ZCCHC2: variants seen among roughly 807,000 people sequenced by gnomAD.
The protein encoded by ZCCHC2 is zinc finger CCHC-type containing 2, also known as zinc finger CCHC domain-containing protein 2.
Under a neutral mutation model 103.6 loss-of-function variants are expected in ZCCHC2, and 39 were observed. The ratio of observed to expected loss-of-function variants is 0.38; its 90% CI spans 0.29 to 0.49. ZCCHC2 has a LOEUF of 0.49. Among genes scored for constraint, ZCCHC2 ranks in the 20% least tolerant of loss-of-function variants. The pLI is 0.96. For synonymous variants in ZCCHC2, 687 were observed against 608.9 expected (o/e 1.13, Z -1.89); for missense variants, 1,483 against 1,491.0 (o/e 0.99, Z 0.09).
At chr18:62,549,277 A>T (rs1915562033) in intron 4 of ZCCHC2, among the ~76,000 whole-genome samples, 1 of 152,170 alleles carries the variant, frequency 6.6e-6, no homozygotes, top group African/African-American at 2.4e-5. Flanking sequence ...TGATTCCCAC[A>T]GCGGGTGTGT....
Position 62,523,366 on chromosome 18 carries a change from C to A in ZCCHC2, c.-59C>A. 9.9e-7 allele frequency: 1 copy of A among 1,010,034 alleles called. No individual in the cohort carries two copies. The highest frequency in any genetic ancestry group is 1.8e-5 in the African/African-American group (1 of 56,944). The allele number at this position is 1,010,034 out of a possible 1,614,324, so 62.6% of individuals were successfully genotyped here. A position where few individuals can be genotyped will look rare whatever the true frequency, so the allele number is the denominator to read the frequency against. On this transcript the variant is annotated 5_prime_UTR_variant, in exon 1 of 14. Transcript: ENST00000269499. ...CCGCGCCGCCGCCTCGGCCCGTGCT[C>A]CACCTCGCGGCCCCTCCCGCCCGCC...
intron 12 of ZCCHC2, among the ~76,000 whole-genome samples, chr18:62,572,644 C>T (rs1263455221): frequency 1.3e-5 from 2 of 152,030 alleles, no homozygotes; most frequent in Admixed American, 6.6e-5. Context: ...TTACACTTAC[C>T]GAAATCAGTG....
intron 11 of ZCCHC2, among the ~76,000 whole-genome samples, chr18:62,566,674 A>G (rs945938669): frequency 1.3e-5 from 2 of 152,238 alleles, no homozygotes; most frequent in African/African-American, 4.8e-5. Context: ...GCCCATTTCC[A>G]GAGGAGAAGC....
exon 15 of ZCCHC2, chr18:62,584,731 C>G (rs994526931): frequency 2.0e-5 from 3 of 152,238 alleles, no homozygotes; most frequent in African/African-American, 4.8e-5. Context: ...TAAAGGTTTC[C>G]TCTGTGCTTT....
rs1420645620 is a variant in ZCCHC2 at position 62,524,349 on chromosome 18, G to A, written c.925G>A (p.Gly309Ser). The A allele has an allele frequency of 2.0e-6, 3 of 1,526,260 alleles. No individual in the cohort carries two copies. The highest frequency in any genetic ancestry group is 1.4e-5 in the African/African-American group (1 of 70,878). The allele number at this position is 1,526,260 out of a possible 1,614,324, so 94.5% of individuals were successfully genotyped here. ...GGAGGTAGAGCCGTGCAAGTTTGCC[G>A]GCCCCAGGGCCCAGGTAAGGCGCAC... Reference protein sequence around the residue: ...EVEVEPCKFAGPRAQNNSAHG... With the variant: ...EVEVEPCKFASPRAQNNSAHG... Residue 309 changes from glycine (G) to serine (S), a missense_variant, in exon 1 of 14, where the codon GGC becomes AGC. Around this residue, in one of 3 missense-constraint regions of ZCCHC2, gnomAD observed 568 missense variants for 525.1 expected, o/e 1.08. Transcript: ENST00000269499.
At chr18:62,556,412 A>T in intron 6 of ZCCHC2, 115 bp downstream of exon 6, 1 of 762,028 alleles carries the variant, frequency 1.3e-6, no homozygotes. Context: ...ATAGTGACAT[A>T]CATTTTTAAT....
At chr18:62,536,462 T>G (rs996847184) in intron 1 of ZCCHC2, among the ~76,000 whole-genome samples, 2 of 152,234 alleles carry the variant, frequency 1.3e-5, no homozygotes, top group South Asian at 4.1e-4. Flanking sequence ...TCATCTGTTC[T>G]GCATTTTCAT....
chr18:62,529,421 G>A (rs2145485680), intron 1 of ZCCHC2, among the ~76,000 whole-genome samples: 1 of 152,266 alleles, frequency 6.6e-6, no homozygotes. Flanking sequence ...AGCTGTTGCA[G>A]GTGAAAGCTC....
intron 1 of ZCCHC2, chr18:62,524,892 TG>T (rs1213311736): frequency 6.5e-6 from 1 of 154,770 alleles, no homozygotes; most frequent in African/African-American, 2.4e-5. Flanking sequence ...CCCTTGTCTT[TG>T]GCACAGAGGG....
intron 3 of ZCCHC2, among the ~76,000 whole-genome samples, chr18:62,543,904 C>T (rs1465992286): frequency 1.3e-5 from 2 of 152,160 alleles, no homozygotes; most frequent in Non-Finnish European, 2.9e-5. Context: ...GTAGCTGCTC[C>T]ACAAACATTT....
intron 2 of ZCCHC2, among the ~76,000 whole-genome samples, chr18:62,542,267 G>A (rs1264264109): frequency 6.6e-6 from 1 of 152,120 alleles, no homozygotes; most frequent in Non-Finnish European, 1.5e-5. Context: ...TAAACACTCA[G>A]CATGTCGTAT....
intron 2 of ZCCHC2, among the ~76,000 whole-genome samples, chr18:62,541,609 T>G (rs1915185283): frequency 6.6e-6 from 1 of 152,180 alleles, no homozygotes; most frequent in Non-Finnish European, 1.5e-5. Context: ...TCTGTAACCT[T>G]TAGCATATTC....
At chr18:62,534,875 G>A (rs1914855499) in intron 1 of ZCCHC2, among the ~76,000 whole-genome samples, 1 of 152,212 alleles carries the variant, frequency 6.6e-6, no homozygotes, top group African/African-American at 2.4e-5. Flanking sequence ...AATAACTAGT[G>A]GTGTGAAACA....
intron 11 of ZCCHC2, among the ~76,000 whole-genome samples, chr18:62,567,544 C>T (rs1018887807): frequency 9.9e-5 from 15 of 152,204 alleles, no homozygotes; most frequent in African/African-American, 1.9e-4. Flanking sequence ...ACGCAGTCAG[C>T]GCCGTCAGCT....
intron 3 of ZCCHC2, 34 bp downstream of exon 3, chr18:62,542,608 T>C (rs1465598849): frequency 2.0e-6 from 3 of 1,520,098 alleles, no homozygotes; most frequent in South Asian, 2.4e-5. Flanking sequence ...ATACCTCACG[T>C]GCTGTGCTCA....
intron 11 of ZCCHC2, among the ~76,000 whole-genome samples, chr18:62,568,778 G>C (rs1389348874): frequency 6.6e-6 from 1 of 152,152 alleles, no homozygotes; most frequent in Non-Finnish European, 1.5e-5. Flanking sequence ...TGTTCATTTT[G>C]TTATATGCTG....
chr18:62,549,994 A>C (rs1461978450), intron 4 of ZCCHC2, among the ~76,000 whole-genome samples: 2 of 152,242 alleles, frequency 1.3e-5, no homozygotes, highest in African/African-American at 4.8e-5. Flanking sequence ...TGCTGAGCAG[A>C]ATCTTCACCT....
chr18:62,549,460 A>G (rs1255064085), intron 4 of ZCCHC2, among the ~76,000 whole-genome samples: 1 of 152,192 alleles, frequency 6.6e-6, no homozygotes, highest in Non-Finnish European at 1.5e-5. Context: ...TTTACTTCGG[A>G]CTTCTCAAAG....
Position 62,524,078 on chromosome 18 carries a change from GGACGAGCGC to G in ZCCHC2, c.656_664del (p.Asp219_Arg221del). ...GCGAGGGCTCGCGGGGCGGCGCGGAGGACGAGCGCGGCGAGGACGGCGACGGCGAGCAGG... is the reference window on the plus strand; with the variant it reads ...GCGAGGGCTCGCGGGGCGGCGCGGAGGGCGAGGACGGCGACGGCGAGCAGG... On this transcript the variant is annotated inframe_deletion, in exon 1 of 14. Transcript: ENST00000269499. The G allele has an allele frequency of 6.6e-7, 1 of 1,508,144 alleles. No individual in the cohort carries two copies. The highest frequency in any genetic ancestry group is 1.9e-4 in the Middle Eastern group (1 of 5,238). 93.4% of individuals were successfully genotyped at this position (1,508,144 alleles called of 1,614,324 possible).
Sources: allele counts gnomAD v4.1 joint callset (sites outside exome capture counted in the v4.1 genomes callset), GRCh38; gene constraint gnomAD v4.1.1; regional missense constraint gnomAD v4.1.1; transcripts MANE v1.5; gene names NCBI Gene and HGNC (gene_info 2026-07-23, HGNC 2026-07-21).